CA1: variants seen among roughly 807,000 people sequenced by gnomAD.
CA1 encodes carbonic anhydrase 1.
A neutral mutation model predicts 28.8 loss-of-function variants in CA1; 27 were observed. The ratio of observed to expected loss-of-function variants is 0.94; its 90% confidence interval spans 0.69 to 1.29. CA1 has a LOEUF of 1.29. CA1 is among the 50% of genes most tolerant of loss of function. The probability of loss-of-function intolerance (pLI) is 0.00; values close to 1 mark genes in which losing one functional copy is unlikely to be tolerated. For synonymous variants in CA1, 121 were observed against 108.8 expected, an observed-to-expected ratio of 1.11 and a Z score of -0.70; for missense variants, 335 against 310.5, an observed-to-expected ratio of 1.08 and a Z score of -0.59.
At chr8:85,332,746 C>A (rs1585914568) in intron 5 of CA1, among the ~76,000 whole-genome samples, 194 bp from the exon 6 acceptor site, 1 of 151,936 alleles carries the variant, frequency 6.6e-6, no homozygotes, top group East Asian at 1.9e-4. Context: ...ATAATATGTA[C>A]CTACAGATAA....
chr8:85,335,046 G>A (rs1471937961), intron 4 of CA1, among the ~76,000 whole-genome samples: 1 of 152,006 alleles, frequency 6.6e-6, no homozygotes, highest in African/African-American at 2.4e-5. Context: ...CATATTGTAG[G>A]TGTCCAGTGA....
chr8:85,339,883 G>T (rs550336209), intron 2 of CA1, among the ~76,000 whole-genome samples: 1 of 152,320 alleles, frequency 6.6e-6, no homozygotes, highest in East Asian at 1.9e-4. Flanking sequence ...TTTTAATTCT[G>T]TGAAGCCTGA....
At chr8:85,357,387 T>C (rs1809642277) in intron 1 of CA1, among the ~76,000 whole-genome samples, 1 of 152,126 alleles carries the variant, frequency 6.6e-6, no homozygotes. Context: ...GTGGAAATTA[T>C]TTCACCTCTA....
intron 1 of CA1, among the ~76,000 whole-genome samples, chr8:85,374,112 T>A (rs1214263682): frequency 6.6e-6 from 1 of 152,054 alleles, no homozygotes; most frequent in Non-Finnish European, 1.5e-5. Flanking sequence ...AATACAAAAT[T>A]AATAATAAAA....
chr8:85,355,097 C>A (rs975216733), intron 1 of CA1, among the ~76,000 whole-genome samples: 1 of 152,092 alleles, frequency 6.6e-6, no homozygotes, highest in Non-Finnish European at 1.5e-5. Context: ...ACTCCAGTAC[C>A]CTCTTATCTC....
intron 1 of CA1, among the ~76,000 whole-genome samples, chr8:85,365,216 G>T (rs985564644): frequency 6.6e-6 from 1 of 152,310 alleles, no homozygotes; most frequent in African/African-American, 2.4e-5. Flanking sequence ...ATGACAAAGG[G>T]TGACTTCTAT....
chr8:85,338,013 C>T (rs1808732381), intron 3 of CA1: 13 of 650,590 alleles, frequency 2.0e-5, no homozygotes, highest in East Asian at 3.0e-5. Context: ...ACTGGAATGA[C>T]GAGAAGAGAC....
chr8:85,338,572 C>G (rs770407761), intron 2 of CA1, 123 bp from the exon 3 acceptor site: 3 of 770,730 alleles, frequency 3.9e-6, no homozygotes, highest in Non-Finnish European at 6.9e-6. Context: ...ATGATATTCT[C>G]TTAAGATTAA....
intron 1 of CA1, among the ~76,000 whole-genome samples, chr8:85,373,943 G>A (rs1478619838): frequency 1.3e-5 from 2 of 152,140 alleles, no homozygotes; most frequent in African/African-American, 2.4e-5. Context: ...GGAGTGGGGA[G>A]TTATTGTTTA....
chr8:85,336,826 T>G (rs1808674334), intron 4 of CA1, 119 bp downstream of exon 4: 1 of 759,996 alleles, frequency 1.3e-6, no homozygotes, highest in South Asian at 1.4e-5. Flanking sequence ...AACTGGGAGT[T>G]CCTTACTGGA....
At chr8:85,347,912 T>C (rs926828692) in intron 1 of CA1, among the ~76,000 whole-genome samples, 1 of 152,188 alleles carries the variant, frequency 6.6e-6, no homozygotes, top group Non-Finnish European at 1.5e-5. Flanking sequence ...CTATTAGGCA[T>C]TGGATTATAT....
chr8:85,344,110 TTA>T (rs1410326579), intron 1 of CA1, among the ~76,000 whole-genome samples: 6 of 138,744 alleles, frequency 4.3e-5, no homozygotes, highest in African/African-American at 1.6e-4. Flanking sequence ...CTTTTAAATT[TTA>T]TATATATAAA....
At chr8:85,331,279 A>G (rs997074912) in intron 6 of CA1, among the ~76,000 whole-genome samples, 2 of 151,972 alleles carry the variant, frequency 1.3e-5, no homozygotes, top group African/African-American at 4.8e-5. Context: ...ATTTTCTTCT[A>G]TATCTTTAGT....
intron 1 of CA1, among the ~76,000 whole-genome samples, chr8:85,373,971 G>A (rs1810321188): frequency 6.6e-6 from 1 of 152,150 alleles, no homozygotes; most frequent in Admixed American, 6.5e-5. Context: ...TGGAGTTTCA[G>A]TTTGGAAAGA....
At chr8:85,330,718 G>A (rs1808362560) in intron 6 of CA1, among the ~76,000 whole-genome samples, 1 of 152,150 alleles carries the variant, frequency 6.6e-6, no homozygotes, top group Non-Finnish European at 1.5e-5. Flanking sequence ...AGTTGATCAT[G>A]AGGTTTTCTT....
intron 5 of CA1, 120 bp from the exon 6 acceptor site, chr8:85,332,672 CT>C: frequency 1.3e-6 from 1 of 743,362 alleles, no homozygotes. Flanking sequence ...TTTCTCTCTG[CT>C]TTAGAAGGGG....
intron 1 of CA1, among the ~76,000 whole-genome samples, chr8:85,373,702 T>G (rs371986096): frequency 1.3e-5 from 2 of 152,196 alleles, no homozygotes; most frequent in East Asian, 3.8e-4. Context: ...TCTTGTAACG[T>G]ATCCTCACAG....
intron 1 of CA1, among the ~76,000 whole-genome samples, chr8:85,376,290 A>C (rs925924869): frequency 1.3e-5 from 2 of 152,184 alleles, no homozygotes; most frequent in Admixed American, 1.3e-4. Context: ...AGATCATGCC[A>C]CTACACTCCA....
chr8:85,342,446 G>GGT (rs1444094226), intron 1 of CA1, among the ~76,000 whole-genome samples: 1 of 152,140 alleles, frequency 6.6e-6, no homozygotes, highest in Non-Finnish European at 1.5e-5. Flanking sequence ...GAGATGTTGA[G>GGT]GTACTTTGCC....
Sources: gnomAD v4.1 joint callset for allele counts (sites outside exome capture counted in the v4.1 genomes callset) on GRCh38, gnomAD v4.1.1 for gene constraint, MANE v1.5 for transcripts, NCBI Gene and HGNC (gene_info 2026-07-23, HGNC 2026-07-21) for gene names.